The following MMP26 variants were observed in gnomAD, a reference collection of about 807,000 sequenced individuals.
MMP26 encodes matrix metallopeptidase 26, also known as matrix metalloproteinase-26.
MMP26 carries 33 observed loss-of-function variants against 31.0 expected under a neutral mutation model. The observed-to-expected ratio is 1.06, with a 90% CI of 0.81 to 1.42. The LOEUF is 1.42. Among genes scored for constraint, MMP26 ranks in the 40% most tolerant of loss-of-function variants. The pLI, the probability that MMP26 is intolerant of heterozygous loss-of-function variation, is 0.00. For missense variants in MMP26, 347 were observed against 316.1 expected, an observed-to-expected ratio of 1.10 and a Z score of -0.74; for synonymous variants, 122 against 114.9, an observed-to-expected ratio of 1.06 and a Z score of -0.40.
At chr11:4,705,994 G>C (rs1253877600) in intron 1 of MMP26, among the ~76,000 whole-genome samples, 1 of 151,488 alleles carries the variant, frequency 6.6e-6, no homozygotes, top group Non-Finnish European at 1.5e-5. Flanking sequence ...TGGTGGTGGG[G>C]GGAGCTGTTC....
rs1564819722 is a variant in MMP26 at position 4,986,932 on chromosome 11, C to CTCTCTCTCTCTCCCTCTCT, written c.-144-1136_-144-1135insTCTCTCTCTCTCCCTCTCT. 5.0e-4 allele frequency among the ~76,000 whole-genome samples: 30 copies of CTCTCTCTCTCTCCCTCTCT among 60,438 alleles called. 2 individuals are homozygous for CTCTCTCTCTCTCCCTCTCT. The highest frequency in any genetic ancestry group is 6.9e-4 in the Non-Finnish European group (22 of 31,954). The allele number at this position is 60,438 out of a possible 152,430, so 39.6% of individuals were successfully genotyped here. ...CTCTCTCTCTCTCTCTCTCTCTCTCCCTCTCTCTCTCTCTCTCTCTCTCTC... is the reference window on the plus strand; with the variant it reads ...CTCTCTCTCTCTCTCTCTCTCTCTCCTCTCTCTCTCTCCCTCTCTCTCTCTCTCTCTCTCTCTCTCTCTC... On this transcript the variant is annotated intron_variant, in intron 2 of 7. Transcript: ENST00000380390.
At chr11:4,796,627 A>G (rs1589903230) in intron 2 of MMP26, among the ~76,000 whole-genome samples, 1 of 152,324 alleles carries the variant, frequency 6.6e-6, no homozygotes, top group Middle Eastern at 3.4e-3. Flanking sequence ...TGGGAGGTAG[A>G]CAGGTCTGAT....
At chr11:4,954,396 C>G (rs1383375632) in intron 2 of MMP26, among the ~76,000 whole-genome samples, 2 of 124,782 alleles carry the variant, frequency 1.6e-5, no homozygotes, top group African/African-American at 5.5e-5. Flanking sequence ...GATAGAGAGA[C>G]AGATATAATA....
At chr11:4,763,776 T>A (rs1231461665) in intron 1 of MMP26, among the ~76,000 whole-genome samples, 1 of 152,220 alleles carries the variant, frequency 6.6e-6, no homozygotes, top group Non-Finnish European at 1.5e-5. Context: ...TGCTGTAGAT[T>A]TTTTGTAGAT....
intron 2 of MMP26, among the ~76,000 whole-genome samples, chr11:4,786,544 G>A (rs1363409086): frequency 7.8e-6 from 1 of 128,434 alleles, no homozygotes; most frequent in Non-Finnish European, 1.6e-5. Flanking sequence ...TTGTGAGATA[G>A]GATGAGGTAG....
intron 2 of MMP26, among the ~76,000 whole-genome samples, chr11:4,780,107 T>C (rs1848838698): frequency 6.6e-6 from 1 of 152,192 alleles, no homozygotes; most frequent in South Asian, 2.1e-4. Context: ...GTTGGTCATT[T>C]TGTTTTTATT....
intron 2 of MMP26, among the ~76,000 whole-genome samples, chr11:4,846,932 G>C (rs531668785): frequency 4.9e-4 from 75 of 152,270 alleles, no homozygotes; most frequent in Non-Finnish European, 7.5e-4. Context: ...TAGGTTGTCA[G>C]AGACCCTCTT....
intron 2 of MMP26, among the ~76,000 whole-genome samples, chr11:4,936,785 G>T (rs1388591662): frequency 6.6e-6 from 1 of 152,052 alleles, no homozygotes; most frequent in East Asian, 1.9e-4. Context: ...GTCATTTGGG[G>T]TTCTTTAAAA....
At position 4,841,664 on chromosome 11, in the gene MMP26, G is replaced by A. The variant is rs150969742; in HGVS notation, c.-145+74323G>A. 5.6e-3 allele frequency among the ~76,000 whole-genome samples: 855 copies of A among 152,254 alleles called. 10 individuals are homozygous for A. The highest frequency in any genetic ancestry group is 0.02 in the African/African-American group (820 of 41,534). ...TAAGAAATGCTAGCCCGAGCATGGCGGCTCACATCTGTAATCCCAGCACTT... is the reference window on the plus strand; with the variant it reads ...TAAGAAATGCTAGCCCGAGCATGGCAGCTCACATCTGTAATCCCAGCACTT... On this transcript the variant is annotated intron_variant, in intron 2 of 7. Coordinates refer to ENST00000380390, the MANE Select transcript of MMP26 (RefSeq NM_021801.5).
At chr11:4,984,112 A>C (rs904171236) in intron 2 of MMP26, among the ~76,000 whole-genome samples, 1 of 152,188 alleles carries the variant, frequency 6.6e-6, no homozygotes. Context: ...TGCATGGGGC[A>C]TACTGGGAGT....
At chr11:4,861,346 A>G (rs2133513974) in intron 2 of MMP26, among the ~76,000 whole-genome samples, 1 of 150,740 alleles carries the variant, frequency 6.6e-6, no homozygotes, top group East Asian at 1.9e-4. Context: ...AATATATATT[A>G]CATATATGTG....
chr11:4,733,595 TA>T (rs1848201575), intron 1 of MMP26, among the ~76,000 whole-genome samples: 1 of 152,152 alleles, frequency 6.6e-6, no homozygotes, highest in Non-Finnish European at 1.5e-5. Context: ...AGAAAATTCT[TA>T]GAATTTTCTA....
chr11:4,871,398 A>G (rs1850308316), intron 2 of MMP26, among the ~76,000 whole-genome samples: 1 of 152,116 alleles, frequency 6.6e-6, no homozygotes, highest in African/African-American at 2.4e-5. Context: ...TAGACAGAGA[A>G]TTATTAAAAT....
intron 2 of MMP26, among the ~76,000 whole-genome samples, chr11:4,930,601 CT>C (rs1851333416): frequency 6.6e-6 from 1 of 152,000 alleles, no homozygotes; most frequent in Non-Finnish European, 1.5e-5. Flanking sequence ...CTTACTATGT[CT>C]TTGCTCAAAA....
chr11:4,984,614 G>A (rs1229593241), intron 2 of MMP26, among the ~76,000 whole-genome samples: 4 of 152,074 alleles, frequency 2.6e-5, no homozygotes. Context: ...ACTTGACGTC[G>A]CTGTCATTAA....
intron 2 of MMP26, among the ~76,000 whole-genome samples, chr11:4,841,448 C>G (rs1355279356): frequency 1.3e-5 from 2 of 152,140 alleles, no homozygotes; most frequent in African/African-American, 2.4e-5. Context: ...ATATATCTGA[C>G]AGCAGACTTT....
At chr11:4,820,177 C>T (rs1849476003) in intron 2 of MMP26, among the ~76,000 whole-genome samples, 1 of 152,140 alleles carries the variant, frequency 6.6e-6, no homozygotes, top group African/African-American at 2.4e-5. Flanking sequence ...TGAGTGAAGG[C>T]ATTGAGGTTA....
At chr11:4,907,780 T>G (rs970789312) in intron 2 of MMP26, 5 of 1,614,096 alleles carry the variant, frequency 3.1e-6, no homozygotes, top group Middle Eastern at 1.6e-4. Context: ...CTATCCTCAC[T>G]AGCAACAGGG....
intron 2 of MMP26, among the ~76,000 whole-genome samples, chr11:4,824,259 C>T (rs545710307): frequency 6.6e-6 from 1 of 152,196 alleles, no homozygotes; most frequent in South Asian, 2.1e-4. Flanking sequence ...TTCTCTATTG[C>T]AAATGTATGC....
Sources: gnomAD v4.1 joint callset for allele counts (sites outside exome capture counted in the v4.1 genomes callset) on GRCh38, gnomAD v4.1.1 for gene constraint, MANE v1.5 for transcripts, NCBI Gene and HGNC (gene_info 2026-07-23, HGNC 2026-07-21) for gene names.